Variants in BIRC6 observed in about 807,000 individuals in gnomAD.
BIRC6 encodes the protein dual E2 ubiquitin-conjugating enzyme/E3 ubiquitin-protein ligase BIRC6.
Under a neutral mutation model 503.3 loss-of-function variants are expected in BIRC6, and 98 were observed. The ratio of observed to expected loss-of-function variants is 0.19; its 90% CI spans 0.17 to 0.23. BIRC6 has a LOEUF of 0.23. Ranked by LOEUF, BIRC6 falls within the 10% of genes least tolerant of loss-of-function variation. The probability of loss-of-function intolerance (pLI) is 1.00; values close to 1 mark genes in which losing one functional copy is unlikely to be tolerated. For missense variants in BIRC6, 5,360 were observed against 5,806.0 expected (o/e 0.92, Z 2.50); for synonymous variants, 2,240 against 2,078.7 (o/e 1.08, Z -2.11).
At chr2:32,613,430 G>A (rs569257574) in intron 73 of BIRC6, among the ~76,000 whole-genome samples, 7 of 151,400 alleles carry the variant, frequency 4.6e-5, no homozygotes, top group African/African-American at 1.7e-4. Flanking sequence ...GCTCAGCCTG[G>A]AGTGCAGTGG....
Position 32,471,086 on chromosome 2 carries a change from T to C in BIRC6, c.6554T>C (p.Val2185Ala), listed in dbSNP as rs887641316. ...AGGTTGCTGGATTATGTGGCAACTG[T>C]TGAAGATGAAGCAGCAGCTGCAAAG... ...VSRLLDYVAT[V>A]EDEAAAAKKP... The change falls in exon 32 of 74, where the codon GTT (valine) becomes GCT (alanine). Residue 2185 changes from valine to alanine, a missense_variant. This residue lies in a region of BIRC6 where 2,299 missense variants were observed against 2,267.2 expected (regional missense o/e 1.01). Coordinates refer to ENST00000421745, the MANE Select transcript of BIRC6 (RefSeq NM_016252.4). 6.3e-7 allele frequency: 1 copy of C among 1,581,770 alleles called. No homozygotes were observed. The highest frequency in any genetic ancestry group is 1.3e-5 in the African/African-American group (1 of 74,480).
At chr2:32,473,281 A>G in intron 33 of BIRC6, 42 bp downstream of exon 33, 1 of 1,470,818 alleles carries the variant, frequency 6.8e-7, no homozygotes, top group Non-Finnish European at 9.2e-7. Flanking sequence ...GTTTGAGAAT[A>G]TTGTTTTGGA....
At chr2:32,491,895 T>C (rs1049813466) in intron 44 of BIRC6, among the ~76,000 whole-genome samples, 1 of 152,148 alleles carries the variant, frequency 6.6e-6, no homozygotes, top group Non-Finnish European at 1.5e-5. Flanking sequence ...ATGTCATATT[T>C]GATTACTTCT....
chr2:32,441,929 T>TA (rs2148323767), intron 17 of BIRC6, 136 bp from the exon 18 acceptor site: 1 of 589,810 alleles, frequency 1.7e-6, no homozygotes, highest in South Asian at 4.7e-5. Context: ...ATACTTGACA[T>TA]ATAGCTATTG....
intron 57 of BIRC6, among the ~76,000 whole-genome samples, chr2:32,519,970 T>C (rs1558958299): frequency 6.6e-6 from 1 of 152,224 alleles, no homozygotes; most frequent in Non-Finnish European, 1.5e-5. Flanking sequence ...CACAAGATAG[T>C]TGTGATCTTA....
intron 65 of BIRC6, among the ~76,000 whole-genome samples, chr2:32,562,156 T>C (rs181899157): frequency 5.0e-4 from 76 of 152,354 alleles, no homozygotes; most frequent in African/African-American, 1.6e-3. Context: ...TATTGAACTT[T>C]AGCATGCTAG....
intron 27 of BIRC6, 26 bp from the exon 28 acceptor site, chr2:32,467,877 T>C (rs776022141): frequency 1.3e-6 from 2 of 1,558,190 alleles, no homozygotes; most frequent in South Asian, 2.3e-5. Flanking sequence ...TGTGTATATA[T>C]GTATATTTAT....
chr2:32,569,886 CT>C (rs1321848953), intron 65 of BIRC6, among the ~76,000 whole-genome samples: 1 of 151,880 alleles, frequency 6.6e-6, no homozygotes, highest in East Asian at 1.9e-4. Flanking sequence ...AAAATGTTGA[CT>C]TCCTGCTTTT....
chr2:32,597,111 C>T (rs2061724993), intron 68 of BIRC6, among the ~76,000 whole-genome samples: 1 of 152,206 alleles, frequency 6.6e-6, no homozygotes, highest in Non-Finnish European at 1.5e-5. Context: ...GCATTTTCAA[C>T]CATATGTATC....
intron 61 of BIRC6, among the ~76,000 whole-genome samples, chr2:32,536,859 C>T (rs1273275656): frequency 6.6e-6 from 1 of 152,214 alleles, no homozygotes; most frequent in South Asian, 2.1e-4. Context: ...GGTAGTATAG[C>T]CATTTTCATG....
At chr2:32,471,436 G>T (rs908817881) in intron 32 of BIRC6, among the ~76,000 whole-genome samples, 4 of 152,168 alleles carry the variant, frequency 2.6e-5, no homozygotes, top group African/African-American at 4.8e-5. Flanking sequence ...ATGTAAGTGA[G>T]TTATGAAAGG....
intron 17 of BIRC6, among the ~76,000 whole-genome samples, chr2:32,441,783 T>G (rs917491451): frequency 1.3e-5 from 2 of 151,944 alleles, no homozygotes; most frequent in African/African-American, 4.8e-5. Flanking sequence ...AACCCAGGAG[T>G]TTGAGTCCAG....
intron 10 of BIRC6, among the ~76,000 whole-genome samples, chr2:32,419,030 G>T (rs1410969026): frequency 6.6e-6 from 1 of 152,218 alleles, no homozygotes; most frequent in African/African-American, 2.4e-5. Context: ...CCTAGAACAT[G>T]ATCTCATGTG....
At chr2:32,484,829 C>T (rs988585550) in intron 39 of BIRC6, among the ~76,000 whole-genome samples, 7 of 152,174 alleles carry the variant, frequency 4.6e-5, no homozygotes, top group Non-Finnish European at 8.8e-5. Flanking sequence ...TGTACCACAC[C>T]TGGCAAATTT....
intron 1 of BIRC6, among the ~76,000 whole-genome samples, chr2:32,369,946 AT>A (rs1471891922): frequency 0.11 from 3,055 of 27,370 alleles, 141 homozygotes; most frequent in African/African-American, 0.14. Context: ...AAAAAAAAAA[AT>A]ATATATATAT....
intron 72 of BIRC6, among the ~76,000 whole-genome samples, chr2:32,609,574 A>G (rs1006064600): frequency 2.6e-5 from 4 of 152,164 alleles, no homozygotes; most frequent in Non-Finnish European, 5.9e-5. Context: ...CATGAATACT[A>G]TGAAGCCACC....
At chr2:32,394,569 C>T (rs1220936989) in intron 5 of BIRC6, among the ~76,000 whole-genome samples, 1 of 152,114 alleles carries the variant, frequency 6.6e-6, no homozygotes, top group Non-Finnish European at 1.5e-5. Context: ...CAGTGGCTCA[C>T]ACTTGTAATC....
At chr2:32,482,656 T>G (rs751015166) in intron 39 of BIRC6, 74 bp downstream of exon 39, 23 of 1,508,666 alleles carry the variant, frequency 1.5e-5, no homozygotes, top group Middle Eastern at 3.4e-4. Flanking sequence ...ACTTTGTCCC[T>G]TGAGAAGTTG....
chr2:32,498,530 T>C (rs948219233), intron 45 of BIRC6, among the ~76,000 whole-genome samples: 1 of 152,214 alleles, frequency 6.6e-6, no homozygotes, highest in East Asian at 1.9e-4. Context: ...TGTTTATATA[T>C]GCTATAAACA....
Sources: allele counts gnomAD v4.1 joint callset (sites outside exome capture counted in the v4.1 genomes callset), GRCh38; gene constraint gnomAD v4.1.1; regional missense constraint gnomAD v4.1.1; transcripts MANE v1.5; gene names NCBI Gene and HGNC (gene_info 2026-07-23, HGNC 2026-07-21).